DNAJC18: variants seen among roughly 807,000 people sequenced by gnomAD.
The protein encoded by DNAJC18 is DnaJ heat shock protein family (Hsp40) member C18.
In DNAJC18, 40 loss-of-function variants were observed where a neutral mutation model predicts 48.6. The observed-to-expected ratio is 0.82, with a 90% CI of 0.64 to 1.07. DNAJC18 has a LOEUF of 1.07. Among genes scored for constraint, DNAJC18 ranks in the 50% least tolerant of loss-of-function variants. The probability of loss-of-function intolerance (pLI) is 0.00; values close to 1 mark genes in which losing one functional copy is unlikely to be tolerated. For synonymous variants in DNAJC18, 135 were observed against 152.2 expected, an observed-to-expected ratio of 0.89 and a Z score of 0.83; for missense variants, 340 against 427.7, an observed-to-expected ratio of 0.79 and a Z score of 1.81.
intron 4 of DNAJC18, among the ~76,000 whole-genome samples, chr5:139,425,513 T>C (rs2067842623): frequency 6.6e-6 from 1 of 152,190 alleles, no homozygotes; most frequent in African/African-American, 2.4e-5. Context: ...TTGTTAAGGA[T>C]AGAGTATTGG....
Position 139,420,112 on chromosome 5 carries a change from G to A in DNAJC18, c.893C>T (p.Thr298Ile). The change falls in exon 7 of 8, where the codon ACA becomes ATA. Residue 298 changes from threonine to isoleucine, a missense_variant. Coordinates refer to ENST00000302060, the MANE Select transcript of DNAJC18 (RefSeq NM_152686.4). ...ATAATCAATGTAATCCTTCTCTATTGTTTTCTCCAAGTCATGCAGAGAAGC... is the reference window on the plus strand; with the variant it reads ...ATAATCAATGTAATCCTTCTCTATTATTTTCTCCAAGTCATGCAGAGAAGC... ...RGASLHDLEKTIEKDYIDYIQ... is the reference protein window; with the variant it reads ...RGASLHDLEKIIEKDYIDYIQ... 6.2e-7 allele frequency: 1 copy of A among 1,607,324 alleles called. No individual in the cohort carries two copies. Among genetic ancestry groups the A allele is most frequent in the African/African-American group, 1.3e-5 (1 of 74,492 alleles).
chr5:139,413,374 G>A lies in DNAJC18; in HGVS notation c.*774C>T, dbSNP rs1759022633. The A allele has an allele frequency of 6.5e-6, 1 of 152,974 alleles. No homozygotes were observed. Among genetic ancestry groups the A allele is most frequent in the African/African-American group, 2.4e-5 (1 of 41,476 alleles). The allele number at this position is 152,974 out of a possible 1,614,324, so 9.5% of individuals were successfully genotyped here. ...GTGCGATGACACCAATGATGATACT[G>A]AGGGGAAATGACCGAAGGGACATTC... On this transcript the variant is annotated 3_prime_UTR_variant, in exon 8 of 8. Transcript: ENST00000302060.
chr5:139,419,471 G>A (rs1361137608), intron 7 of DNAJC18, among the ~76,000 whole-genome samples: 1 of 152,230 alleles, frequency 6.6e-6, no homozygotes, highest in African/African-American at 2.4e-5. Context: ...TGGAGGTGAG[G>A]GTAGGGGACA....
intron 2 of DNAJC18, among the ~76,000 whole-genome samples, chr5:139,435,801 G>T (rs183057258): frequency 1.5e-5 from 2 of 136,854 alleles, no homozygotes; most frequent in Non-Finnish European, 3.1e-5. Context: ...GCCCTTCCTG[G>T]CTCCATCAAT....
intron 5 of DNAJC18, among the ~76,000 whole-genome samples, chr5:139,424,284 A>G (rs1436899661): frequency 1.3e-5 from 2 of 152,150 alleles, no homozygotes; most frequent in African/African-American, 4.8e-5. Context: ...GCTGCTTGGG[A>G]GCCTGACAGT....
chr5:139,435,709 T>TTTTTTTTG (rs1455710119), intron 2 of DNAJC18, among the ~76,000 whole-genome samples: 1 of 82,124 alleles, frequency 1.2e-5, no homozygotes, highest in Non-Finnish European at 2.2e-5. Flanking sequence ...TTGGAAGTTT[T>TTTTTTTTG]TTTTTTTTTT....
chr5:139,416,526 C>T (rs1474362755), intron 7 of DNAJC18, among the ~76,000 whole-genome samples: 1 of 152,232 alleles, frequency 6.6e-6, no homozygotes, highest in Non-Finnish European at 1.5e-5. Flanking sequence ...CAGGTAAAGC[C>T]AGGACTCCAC....
At position 139,413,610 on chromosome 5, in the gene DNAJC18, A is replaced by C. The variant is rs897572932; in HGVS notation, c.*538T>G. 6.6e-6 allele frequency: 1 copy of C among 152,342 alleles called. No homozygotes were observed. 9.4% of individuals were successfully genotyped at this position (152,342 alleles called of 1,614,324 possible). ...TGAGCAGAGATTGGAATAATAGAAA[A>C]CTATTGACTACAATAGTTTAAATTT... On this transcript the variant is annotated 3_prime_UTR_variant, in exon 8 of 8. Transcript: ENST00000302060.
Position 139,428,574 on chromosome 5 carries a change from T to G in DNAJC18, c.337A>C (p.Lys113Gln). ...RKLALKFHPD[K>Q]NCAPGATDAF... ...TCTGTTGCTCCAGGAGCACAGTTCT[T>G]GTCAGGGTGAAATTTCAGGGCGAGT... Residue 113 changes from lysine to glutamine, a missense_variant, in exon 3 of 8, where the codon AAG becomes CAG. By Grantham distance (53) the Lys-to-Gln change is moderately conservative (BLOSUM62 1). Coordinates refer to ENST00000302060, the MANE Select transcript of DNAJC18 (RefSeq NM_152686.4). The G allele has an allele frequency of 6.2e-7, 1 of 1,614,102 alleles. No homozygotes were observed. The highest frequency in any genetic ancestry group is 8.5e-7 in the Non-Finnish European group (1 of 1,180,010).
At chr5:139,422,917 G>C in intron 5 of DNAJC18, 100 bp from the exon 6 acceptor site, 8 of 670,796 alleles carry the variant, frequency 1.2e-5, no homozygotes, top group Non-Finnish European at 1.9e-5. Context: ...CTCACTGCAA[G>C]CTCCGCCTCT....
chr5:139,427,843 A>T (rs1287599503), intron 3 of DNAJC18, among the ~76,000 whole-genome samples: 1 of 152,220 alleles, frequency 6.6e-6, no homozygotes. Flanking sequence ...AGAATGTTTC[A>T]TATTGATTGT....
rs1237299017 is a variant in DNAJC18 at position 139,414,160 on chromosome 5, G to A, written c.1065C>T (p.Arg355=). The A allele has an allele frequency of 6.2e-7, 1 of 1,614,114 alleles. No individual in the cohort carries two copies. Among genetic ancestry groups the A allele is most frequent in the Admixed American group, 1.7e-5 (1 of 59,996 alleles). The change falls in exon 8 of 8, where the codon CGC becomes CGT. Residue 355 remains arginine (R), a synonymous_variant. Coordinates refer to ENST00000302060, the MANE Select transcript of DNAJC18 (RefSeq NM_152686.4). The part of the protein sequence containing the change: ...CEKLSKLIGL[R]RGG Reference sequence around the variant, plus strand: ...GACCATTATCCTCTCAGCCACCTCTGCGTAGGCCAATGAGTTTGGAAAGTT... The same window carrying A: ...GACCATTATCCTCTCAGCCACCTCTACGTAGGCCAATGAGTTTGGAAAGTT...
At position 139,422,807 on chromosome 5, in the gene DNAJC18, G is replaced by A. The variant is rs1393218973; in HGVS notation, c.680C>T (p.Ser227Phe). 2.5e-6 allele frequency: 4 copies of A among 1,580,212 alleles called. No homozygotes were observed. Among genetic ancestry groups the A allele is most frequent in the Non-Finnish European group, 3.4e-6 (4 of 1,169,274 alleles). The change falls in exon 6 of 8, where the codon TCT becomes TTT. Residue 227 changes from serine (S) to phenylalanine (F), a missense_variant. Ser to Phe is a radical substitution (Grantham distance 155, BLOSUM62 -2). Transcript: ENST00000302060. The part of the protein sequence containing the change: ...EEEEKPQTTY[S>F]AFIQLLPVLV... Reference sequence around the variant, plus strand: ...AACTGGAAGTAGCTGAATAAATGCAGAATATGTAGTCTGAAAAAGAAAAAA... The same window carrying A: ...AACTGGAAGTAGCTGAATAAATGCAAAATATGTAGTCTGAAAAAGAAAAAA...
intron 6 of DNAJC18, 95 bp from the exon 7 acceptor site, chr5:139,420,320 C>A: frequency 7.9e-7 from 1 of 1,260,660 alleles, no homozygotes; most frequent in South Asian, 1.5e-5. Context: ...ATCATCTGCT[C>A]ATAGAGCAGA....
chr5:139,418,394 G>A (rs572550739), intron 7 of DNAJC18, among the ~76,000 whole-genome samples: 7 of 152,212 alleles, frequency 4.6e-5, no homozygotes, highest in Admixed American at 1.3e-4. Flanking sequence ...CTCCTGCCTC[G>A]GCCTCCCAAA....
chr5:139,429,016 C>A (rs1360739613), intron 2 of DNAJC18, among the ~76,000 whole-genome samples: 5 of 152,010 alleles, frequency 3.3e-5, no homozygotes, highest in East Asian at 3.8e-4. Context: ...CAGTTAATCA[C>A]CCTGTTTGTT....
chr5:139,425,067 G>C lies in DNAJC18; in HGVS notation c.607C>G (p.Arg203Gly). 6.2e-7 allele frequency: 1 copy of C among 1,613,144 alleles called. No individual in the cohort carries two copies. Among genetic ancestry groups the C allele is most frequent in the Non-Finnish European group, 8.5e-7 (1 of 1,179,352 alleles). ...GTCCTCTCATGTCGGTGCCGTCGAC[G>C]GTAATAGTAAGTGTCATCTGTCACA... ...SNVTDDTYYY[R>G]RRHRHERTQT... The change falls in exon 5 of 8, where the codon CGT becomes GGT. Residue 203 changes from arginine (R) to glycine (G), a missense_variant. Physicochemically the swap from Arg to Gly is moderately radical, Grantham distance 125 (BLOSUM62 -2). Coordinates refer to ENST00000302060, the MANE Select transcript of DNAJC18 (RefSeq NM_152686.4).
rs1759211695 is a variant in DNAJC18, at chr5:139,424,927, T to C, written c.669+78A>G. The C allele has an allele frequency of 4.9e-6, 6 of 1,235,440 alleles. No individual in the cohort carries two copies. The Admixed American group carries it at 1.1e-4, about 23-fold the overall frequency. The allele number at this position is 1,235,440 out of a possible 1,614,324, so 76.5% of individuals were successfully genotyped here. A position where few individuals can be genotyped will look rare whatever the true frequency, so the allele number is the denominator to read the frequency against. ...AGCAACATATCTCAGGTTCAACTTCTAAAACTTGACCATGTACCATCAAGG... is the reference window on the plus strand; with the variant it reads ...AGCAACATATCTCAGGTTCAACTTCCAAAACTTGACCATGTACCATCAAGG... On this transcript the variant is annotated intron_variant, in intron 5 of 7. Transcript: ENST00000302060.
intron 7 of DNAJC18, 95 bp downstream of exon 7, chr5:139,419,958 G>A: frequency 8.0e-7 from 1 of 1,252,836 alleles, no homozygotes; most frequent in Non-Finnish European, 1.1e-6. Flanking sequence ...AACATGCGTA[G>A]CCTCAAACAA....
Sources: gnomAD v4.1 joint callset for allele counts (sites outside exome capture counted in the v4.1 genomes callset) on GRCh38, gnomAD v4.1.1 for gene constraint, MANE v1.5 for transcripts, NCBI Gene and HGNC (gene_info 2026-07-23, HGNC 2026-07-21) for gene names.